INPP4B: variants seen among roughly 807,000 people sequenced by gnomAD.
INPP4B encodes inositol polyphosphate 4-phosphatase type II.
In INPP4B, 55 loss-of-function variants were observed where a neutral mutation model predicts 122.5. That is an observed-to-expected ratio of 0.45 (90% CI 0.36 to 0.56). The LOEUF (loss-of-function observed/expected upper bound fraction) is 0.56. Among genes scored for constraint, INPP4B ranks in the 20% least tolerant of loss-of-function variants. INPP4B has a pLI of 0.00. For synonymous variants in INPP4B, 403 were observed against 388.7 expected, an observed-to-expected ratio of 1.04 and a Z score of -0.43; for missense variants, 1,000 against 1,097.7, an observed-to-expected ratio of 0.91 and a Z score of 1.26.
At chr4:142,773,998 G>A (rs754229935) in intron 1 of INPP4B, among the ~76,000 whole-genome samples, 2 of 152,170 alleles carry the variant, frequency 1.3e-5, no homozygotes, top group South Asian at 4.1e-4. Flanking sequence ...TTAAAACCAT[G>A]GTGGGTTTTA....
chr4:142,343,727 A>G (rs1295398725), intron 7 of INPP4B, among the ~76,000 whole-genome samples: 1 of 152,102 alleles, frequency 6.6e-6, no homozygotes, highest in African/African-American at 2.4e-5. Flanking sequence ...TTTAATAGTT[A>G]GCTATTAGTG....
At chr4:142,315,751 G>C (rs1714368469) in intron 7 of INPP4B, among the ~76,000 whole-genome samples, 1 of 151,324 alleles carries the variant, frequency 6.6e-6, no homozygotes, top group South Asian at 2.1e-4. Flanking sequence ...CAAGTTAAAT[G>C]AATATAAAGC....
rs143884496 is a variant in INPP4B, at chr4:142,309,119, C to G, written c.424-3582G>C. 2.6e-5 allele frequency among the ~76,000 whole-genome samples: 4 copies of G among 152,214 alleles called. No homozygotes were observed. In the East Asian group the frequency reaches 7.7e-4, roughly 29 times the overall value. ...AAAGAAATCCAGACAAAGAAAGCAT[C>G]TAGCCAGGAAAATAAAACATCTCCC... On this transcript the variant is annotated intron_variant, in intron 8 of 25. Coordinates refer to ENST00000262992, the MANE Select transcript of INPP4B (RefSeq NM_001101669.3).
At chr4:142,218,388 G>T (rs929877444) in intron 12 of INPP4B, among the ~76,000 whole-genome samples, 9 of 152,326 alleles carry the variant, frequency 5.9e-5, no homozygotes, top group African/African-American at 2.2e-4. Flanking sequence ...GATATTGGAA[G>T]TGAGAACCAA....
At chr4:142,422,741 G>T (rs1181344394) in intron 5 of INPP4B, among the ~76,000 whole-genome samples, 7 of 152,104 alleles carry the variant, frequency 4.6e-5, no homozygotes. Flanking sequence ...TTCAGCCTAG[G>T]AGTTGGAGGC....
At chr4:142,691,031 C>T (rs1238837722) in intron 2 of INPP4B, among the ~76,000 whole-genome samples, 3 of 152,166 alleles carry the variant, frequency 2.0e-5, no homozygotes, top group African/African-American at 4.8e-5. Context: ...TGATGACCAG[C>T]TGACCTGCAG....
At chr4:142,831,047 C>T (rs1782074748) in intron 1 of INPP4B, among the ~76,000 whole-genome samples, 1 of 151,374 alleles carries the variant, frequency 6.6e-6, no homozygotes, top group Admixed American at 6.6e-5. Context: ...AAAATAGATG[C>T]AAGAGTGTAG....
At chr4:142,516,167 T>C (rs1274012042) in intron 2 of INPP4B, among the ~76,000 whole-genome samples, 3 of 152,170 alleles carry the variant, frequency 2.0e-5, no homozygotes, top group African/African-American at 7.2e-5. Flanking sequence ...TCTCTTTTTT[T>C]GCTGAAAGTG....
At chr4:142,457,796 C>T (rs1010255555) in intron 3 of INPP4B, among the ~76,000 whole-genome samples, 1 of 152,130 alleles carries the variant, frequency 6.6e-6, no homozygotes, top group South Asian at 2.1e-4. Context: ...GTGTTTCACT[C>T]TGTTGCCCAG....
intron 2 of INPP4B, among the ~76,000 whole-genome samples, chr4:142,537,425 TATATAGAGAGAGAGAG>T (rs1446317956): frequency 1.8e-3 from 73 of 40,990 alleles, no homozygotes; most frequent in Admixed American, 5.1e-3. Context: ...TATATATATA[TATATAGAGAGAGAGAG>T]AGAGAGAGAG....
rs76202420 is a variant in INPP4B at position 142,689,928 on chromosome 4, T to C, written c.-191+35911A>G. 2.2e-3 allele frequency among the ~76,000 whole-genome samples: 339 copies of C among 152,282 alleles called. 1 individual carries two copies. Among genetic ancestry groups the C allele is most frequent in the Non-Finnish European group, 3.6e-3 (245 of 68,026 alleles). On this transcript the variant is annotated intron_variant, in intron 2 of 25. Coordinates refer to ENST00000262992, the MANE Select transcript of INPP4B (RefSeq NM_001101669.3). ...TGCAATTTAAAAAGTCAAACAGACTTTCCTTATCTTGCAACGTAGATAGAT... is the reference window on the plus strand; with the variant it reads ...TGCAATTTAAAAAGTCAAACAGACTCTCCTTATCTTGCAACGTAGATAGAT...
chr4:142,523,721 T>C lies in INPP4B; in HGVS notation c.-190-60995A>G, dbSNP rs893915605. ...GTGCACATTGTGCAGGTTAGTTACA[T>C]ATGTATACATGTGCCACGCTGGTGC... On this transcript the variant is annotated intron_variant, in intron 2 of 25. Transcript: ENST00000262992. 4.0e-5 allele frequency among the ~76,000 whole-genome samples: 6 copies of C among 151,550 alleles called. No individual in the cohort carries two copies. In the East Asian group the frequency reaches 1.2e-3, roughly 30 times the overall value.
chr4:142,626,533 A>T (rs1746448857), intron 2 of INPP4B, among the ~76,000 whole-genome samples: 1 of 152,018 alleles, frequency 6.6e-6, no homozygotes, highest in Admixed American at 6.6e-5. Context: ...GATTCTGCCA[A>T]CAATGATGTG....
chr4:142,703,886 T>C (rs1328105024), intron 2 of INPP4B, among the ~76,000 whole-genome samples: 2 of 152,196 alleles, frequency 1.3e-5, no homozygotes, highest in African/African-American at 2.4e-5. Flanking sequence ...CTCCACCATT[T>C]GGTGCACCCC....
At chr4:142,628,492 G>T (rs1161918303) in intron 2 of INPP4B, among the ~76,000 whole-genome samples, 25 of 131,546 alleles carry the variant, frequency 1.9e-4, no homozygotes, top group African/African-American at 7.0e-4. Context: ...CAGCGCACCA[G>T]CATGGCACAT....
intron 2 of INPP4B, among the ~76,000 whole-genome samples, chr4:142,559,113 G>T (rs1729902341): frequency 6.6e-6 from 1 of 152,184 alleles, no homozygotes; most frequent in Admixed American, 6.5e-5. Context: ...TTTTGCAACT[G>T]TGTCAGTTAA....
At chr4:142,298,179 T>C (rs1759653315) in intron 9 of INPP4B, among the ~76,000 whole-genome samples, 1 of 152,190 alleles carries the variant, frequency 6.6e-6, no homozygotes, top group Non-Finnish European at 1.5e-5. Context: ...AATGTGGTTA[T>C]AGAAGAAAAG....
At chr4:142,448,476 A>G (rs1209444106) in intron 3 of INPP4B, among the ~76,000 whole-genome samples, 5 of 152,204 alleles carry the variant, frequency 3.3e-5, no homozygotes, top group African/African-American at 1.2e-4. Flanking sequence ...TAAACTAGAT[A>G]TATTTCACAA....
chr4:142,032,532 A>C (rs1373715669), intron 25 of INPP4B, among the ~76,000 whole-genome samples: 1 of 152,226 alleles, frequency 6.6e-6, no homozygotes, highest in East Asian at 1.9e-4. Flanking sequence ...GAACTTCAAT[A>C]TTGCCAATAT....
Sources: gnomAD v4.1 joint callset for allele counts (sites outside exome capture counted in the v4.1 genomes callset) on GRCh38, gnomAD v4.1.1 for gene constraint, MANE v1.5 for transcripts, NCBI Gene and HGNC (gene_info 2026-07-23, HGNC 2026-07-21) for gene names.